The following PGM3 variants were observed in gnomAD, a reference collection of about 807,000 sequenced individuals.
PGM3 encodes the protein phosphoglucomutase 3.
In PGM3, 40 loss-of-function variants were observed where a neutral mutation model predicts 66.2. That is an observed-to-expected ratio of 0.60 (90% CI 0.47 to 0.79). The LOEUF (loss-of-function observed/expected upper bound fraction) is 0.79, where lower values mean the gene tolerates loss of function less well. Among genes scored for constraint, PGM3 ranks in the 30% least tolerant of loss-of-function variants. PGM3 has a pLI of 0.00. For synonymous variants in PGM3, 191 were observed against 224.2 expected (o/e 0.85, Z 1.32); for missense variants, 537 against 643.4 (o/e 0.83, Z 1.79).
downstream of PGM3, chr6:83,163,070 G>A (rs1784610658): frequency 1.3e-6 from 1 of 770,124 alleles, no homozygotes; most frequent in Non-Finnish European, 2.0e-6. Context: ...ATGTCCATAA[G>A]CCTCATATTT....
Position 83,168,985 on chromosome 6 carries a change from T to A in PGM3, c.*249A>T. The A allele has an allele frequency of 7.9e-7, 1 of 1,265,052 alleles. No individual in the cohort carries two copies. Among genetic ancestry groups the A allele is most frequent in the Non-Finnish European group, 1.0e-6 (1 of 999,358 alleles). 78.4% of individuals were successfully genotyped at this position (1,265,052 alleles called of 1,614,324 possible). A position where few individuals can be genotyped will look rare whatever the true frequency, so the allele number is the denominator to read the frequency against. On this transcript the variant is annotated 3_prime_UTR_variant, in exon 13 of 13. Transcript: ENST00000513973. ...AAAACTGTACAGTTAGTGACTGAAT[T>A]GTATACTTAAGTCCCAGTATTTTAC...
intron 9 of PGM3, among the ~76,000 whole-genome samples, chr6:83,174,907 A>G (rs1787641322): frequency 6.6e-6 from 1 of 152,180 alleles, no homozygotes; most frequent in Non-Finnish European, 1.5e-5. Context: ...ACTTAAGGGG[A>G]TGAGCTAGGC....
At chr6:83,170,092 A>G (rs1321422442) in intron 12 of PGM3, among the ~76,000 whole-genome samples, 1 of 152,252 alleles carries the variant, frequency 6.6e-6, no homozygotes, top group Non-Finnish European at 1.5e-5. Context: ...GAATAAGTCA[A>G]AAATATTTGG....
chr6:83,158,456 G>A, downstream of PGM3: 2 of 853,808 alleles, frequency 2.3e-6, no homozygotes, highest in Admixed American at 2.7e-5. Context: ...AAAAGATTCT[G>A]AAAATGTATT....
chr6:83,169,906 A>G lies in PGM3; in HGVS notation c.1539+399T>C, dbSNP rs1341746787. 2.6e-5 allele frequency: 11 copies of G among 419,020 alleles called. No homozygotes were observed. The East Asian group carries it at 4.2e-4, about 16-fold the overall frequency. 26.0% of individuals were successfully genotyped at this position (419,020 alleles called of 1,614,324 possible). A position where few individuals can be genotyped will look rare whatever the true frequency, so the allele number is the denominator to read the frequency against. ...AGGAAATATTTTGAAAAACAAATCA[A>G]GAGTCCAGAATGCTATCAGTTGACT... is the stretch of plus-strand genomic sequence containing the variant. On this transcript the variant is annotated intron_variant, in intron 12 of 12. Coordinates refer to ENST00000513973, the MANE Select transcript of PGM3 (RefSeq NM_015599.3).
At chr6:83,185,896 C>T (rs550529572) in intron 4 of PGM3, among the ~76,000 whole-genome samples, 1 of 152,088 alleles carries the variant, frequency 6.6e-6, no homozygotes, top group Non-Finnish European at 1.5e-5. Flanking sequence ...CTGAAAGAGA[C>T]AGAAGAGGAG....
Position 83,178,728 on chromosome 6 carries a change from A to C in PGM3, c.974T>G (p.Val325Gly). Residue 325 changes from valine to glycine, a missense_variant, in exon 8 of 13, where the codon GTA (valine) becomes GGA (glycine). By Grantham distance (109) the Val-to-Gly change is moderately radical. Transcript: ENST00000513973. ...ACTTCCATTTGCATATGCAGTTTGT[A>C]CAACACCAATATTCAAACTTTCTCC... ...EIGESLNIGVVQTAYANGSST... is the reference protein window; with the variant it reads ...EIGESLNIGVGQTAYANGSST... 6.3e-7 allele frequency: 1 copy of C among 1,598,252 alleles called. No individual in the cohort carries two copies. The highest frequency in any genetic ancestry group is 8.6e-7 in the Non-Finnish European group (1 of 1,165,708).
intron 5 of PGM3, 39 bp from the exon 6 acceptor site, chr6:83,181,970 T>C (rs1788206775): frequency 7.2e-7 from 1 of 1,394,760 alleles, no homozygotes; most frequent in Non-Finnish European, 9.8e-7. Context: ...AAATTTCAAG[T>C]TATAAAAATA....
In PGM3 at chr6:83,166,990, G is replaced by A. The variant is rs1015748619; in HGVS notation, c.*2244C>T. The A allele has an allele frequency of 3.0e-6, 3 of 985,618 alleles. No homozygotes were observed. The highest frequency in any genetic ancestry group is 3.6e-6 in the Non-Finnish European group (3 of 830,206). The allele number at this position is 985,618 out of a possible 1,614,324, so 61.1% of individuals were successfully genotyped here. ...GATTCTGCCCAAGTTCAACCAACCTGTTCTCTCTTATCTTTCTCTAGACAG... is the reference window on the plus strand; with the variant it reads ...GATTCTGCCCAAGTTCAACCAACCTATTCTCTCTTATCTTTCTCTAGACAG... On this transcript the variant is annotated 3_prime_UTR_variant, in exon 13 of 13. Transcript: ENST00000513973.
At chr6:83,179,136 C>T (rs554863660) in intron 7 of PGM3, among the ~76,000 whole-genome samples, 7 of 152,034 alleles carry the variant, frequency 4.6e-5, no homozygotes, top group Middle Eastern at 3.4e-3. Flanking sequence ...CATGGTGAAA[C>T]CCCATCTCTA....
chr6:83,152,339 G>A, the PGM3 span: 2 of 1,556,296 alleles, frequency 1.3e-6, no homozygotes, highest in African/African-American at 1.4e-5. Flanking sequence ...TCTGTATATA[G>A]TGTCCATGCA....
chr6:83,191,001 A>T lies in PGM3; in HGVS notation c.12T>A (p.Gly4=). 3 of 1,612,762 alleles carry T rather than the reference A, an allele frequency of 1.9e-6. No individual in the cohort carries two copies. The South Asian group carries it at 3.3e-5, about 18-fold the overall frequency. Reference sequence around the variant, plus strand: ...GTAATGCTGAGTATTTTGTAATAGCACCTAAATCCATGTCTACAAAATTAA... The same window carrying T: ...GTAATGCTGAGTATTTTGTAATAGCTCCTAAATCCATGTCTACAAAATTAA... MDL[G]AITKYSALHA... The change falls in exon 2 of 13, where the codon GGT becomes GGA. Residue 4 remains glycine (G), a synonymous_variant. Coordinates refer to ENST00000513973, the MANE Select transcript of PGM3 (RefSeq NM_015599.3).
At chr6:83,183,742 T>C (rs1788366744) in intron 4 of PGM3, among the ~76,000 whole-genome samples, 1 of 152,086 alleles carries the variant, frequency 6.6e-6, no homozygotes, top group South Asian at 2.1e-4. Flanking sequence ...TTTTTTTTTT[T>C]TGAGACGGAG....
At chr6:83,158,602 T>G (rs201998300), downstream of PGM3, 1 of 1,607,828 alleles carries the variant, frequency 6.2e-7, no homozygotes, top group East Asian at 2.2e-5. Context: ...AGGAACTCAC[T>G]GCTGATGAAG....
At chr6:83,152,223 C>T in the PGM3 span, 1 of 910,686 alleles carries the variant, frequency 1.1e-6, no homozygotes, top group Non-Finnish European at 1.7e-6. Context: ...CACACACACA[C>T]ACACACACAT....
At chr6:83,152,275 C>A in the PGM3 span, 1 of 1,501,150 alleles carries the variant, frequency 6.7e-7, no homozygotes, top group Non-Finnish European at 9.1e-7. Flanking sequence ...CTTTAATTTT[C>A]TCTTATTTAT....
downstream of PGM3, chr6:83,159,950 C>T: frequency 6.2e-7 from 1 of 1,614,082 alleles, no homozygotes; most frequent in South Asian, 1.1e-5. Flanking sequence ...AAACCTTCCT[C>T]AGTTTCAGAT....
chr6:83,163,928 G>A (rs1784820323), downstream of PGM3, among the ~76,000 whole-genome samples: 1 of 151,832 alleles, frequency 6.6e-6, no homozygotes, highest in South Asian at 2.1e-4. Context: ...CTTTCAGTAT[G>A]CATCATGCTA....
chr6:83,153,053 G>T, the PGM3 span, among the ~76,000 whole-genome samples: 1 of 152,152 alleles, frequency 6.6e-6, no homozygotes, highest in South Asian at 2.1e-4. Context: ...CCTCTTTGCA[G>T]ATGTGGATAG....
Sources: gnomAD v4.1 joint callset for allele counts (sites outside exome capture counted in the v4.1 genomes callset) on GRCh38, gnomAD v4.1.1 for gene constraint, MANE v1.5 for transcripts, NCBI Gene and HGNC (gene_info 2026-07-23, HGNC 2026-07-21) for gene names.